COX15: variants seen among roughly 807,000 people sequenced by gnomAD.
COX15 encodes heme A synthase COX15.
COX15 carries 51 observed loss-of-function variants against 51.9 expected under a neutral mutation model. The ratio of observed to expected loss-of-function variants is 0.98; its 90% CI spans 0.78 to 1.24. COX15 has a LOEUF of 1.24. Ranked by LOEUF, COX15 falls within the 50% of genes most tolerant of loss-of-function variation. COX15 has a pLI of 0.00. For missense variants in COX15, 420 were observed against 501.1 expected, an observed-to-expected ratio of 0.84 and a Z score of 1.55; for synonymous variants, 188 against 190.5, an observed-to-expected ratio of 0.99 and a Z score of 0.11.
chr10:99,717,502 C>T (rs191178590), intron 7 of COX15, among the ~76,000 whole-genome samples: 9 of 152,122 alleles, frequency 5.9e-5, no homozygotes, highest in African/African-American at 1.7e-4. Context: ...TGAGCCATTG[C>T]GCCCAGTGCT....
At chr10:99,697,640 T>A in the COX15 span, 6 of 156,978 alleles carry the variant, frequency 3.8e-5, no homozygotes, top group Middle Eastern at 0.01. Context: ...TTCTGAGTTT[T>A]CCTTACAGTT....
At position 99,727,507 on chromosome 10, in the gene COX15, G is replaced by A. The variant is rs144644373; in HGVS notation, c.329C>T (p.Pro110Leu). 5.4e-5 allele frequency: 87 copies of A among 1,613,762 alleles called. No individual in the cohort carries two copies. In the African/African-American group the frequency reaches 9.7e-4, roughly 18 times the overall value. ...TTCCCATTCCTCTTGGCTTGTAGGT[G>A]GCTTCATCTCCTTTATTAAATGCCA... ...VDWHLIKEMK[P>L]PTSQEEWEAE... Residue 110 changes from proline (P) to leucine (L), a missense_variant, in exon 3 of 9, where the codon CCA (proline) becomes CTA (leucine). By Grantham distance (98) the Pro-to-Leu change is moderately conservative (BLOSUM62 -3). Transcript: ENST00000016171.
At chr10:99,698,878 C>T in the COX15 span, 2 of 1,570,708 alleles carry the variant, frequency 1.3e-6, no homozygotes, top group Non-Finnish European at 8.6e-7. Flanking sequence ...TAATGATAAA[C>T]ATGGCTTATG....
the COX15 span, chr10:99,704,484 A>G: frequency 6.2e-7 from 1 of 1,614,218 alleles, no homozygotes; most frequent in Non-Finnish European, 8.5e-7. Context: ...CGACAAGCCC[A>G]TGGTAGCTGG....
At chr10:99,729,797 AC>A in intron 1 of COX15, 63 bp from the exon 2 acceptor site, 1 of 1,539,780 alleles carries the variant, frequency 6.5e-7, no homozygotes, top group Non-Finnish European at 8.9e-7. Flanking sequence ...CCCACACTCA[AC>A]CCCATTCTGA....
chr10:99,698,824 G>A, the COX15 span: 21 of 1,607,068 alleles, frequency 1.3e-5, no homozygotes, highest in East Asian at 6.7e-5. Context: ...ATTGGTGGCC[G>A]CTACCATGGG....
the COX15 span, chr10:99,698,608 A>G: frequency 6.2e-7 from 1 of 1,614,076 alleles, no homozygotes; most frequent in Non-Finnish European, 8.5e-7. Context: ...GGACTCACAG[A>G]TGTGGTGGAG....
Position 99,713,092 on chromosome 10 carries a change from G to A in COX15, c.*1495C>T, listed in dbSNP as rs2036447837. ...TGGTACCCAGAGTGAAATGCAGTATGTTAGGGGTATTTTGACTATGGCTGT... is the reference window on the plus strand; with the variant it reads ...TGGTACCCAGAGTGAAATGCAGTATATTAGGGGTATTTTGACTATGGCTGT... On this transcript the variant is annotated 3_prime_UTR_variant, in exon 9 of 9. Coordinates refer to ENST00000016171, the MANE Select transcript of COX15 (RefSeq NM_078470.6). 1 of 1,226,726 alleles carries A rather than the reference G, an allele frequency of 8.2e-7. No homozygotes were observed. Among genetic ancestry groups the A allele is most frequent in the Non-Finnish European group, 1.0e-6 (1 of 971,880 alleles). 76.0% of individuals were successfully genotyped at this position (1,226,726 alleles called of 1,614,324 possible).
At chr10:99,697,859 G>A in the COX15 span, 1 of 153,000 alleles carries the variant, frequency 6.5e-6, no homozygotes, top group African/African-American at 2.4e-5. Flanking sequence ...TCTGTCCTTG[G>A]ACAGATCTTC....
Position 99,713,616 on chromosome 10 carries a change from AC to A in COX15, c.*970del. 8.2e-7 allele frequency: 1 copy of A among 1,226,326 alleles called. No individual in the cohort carries two copies. Among genetic ancestry groups the A allele is most frequent in the Non-Finnish European group, 1.1e-6 (1 of 873,650 alleles). 76.0% of individuals were successfully genotyped at this position (1,226,326 alleles called of 1,614,324 possible). A position where few individuals can be genotyped will look rare whatever the true frequency, so the allele number is the denominator to read the frequency against. ...AAGCTGTTAGGAAACCCTCTCAGGA[AC>A]CAATTTATACTGTCGATTCCATTCC... On this transcript the variant is annotated 3_prime_UTR_variant, in exon 9 of 9. Transcript: ENST00000016171.
chr10:99,721,487 T>A (rs900759488), intron 5 of COX15, among the ~76,000 whole-genome samples: 1 of 152,238 alleles, frequency 6.6e-6, no homozygotes, highest in Non-Finnish European at 1.5e-5. Context: ...GCAAATATAG[T>A]CAGAATCAAA....
chr10:99,714,771 T>C, intron 8 of COX15, 53 bp from the exon 9 acceptor site: 1 of 1,608,244 alleles, frequency 6.2e-7, no homozygotes, highest in Non-Finnish European at 8.5e-7. Flanking sequence ...AAGTTCACAT[T>C]GAAAATGGCC....
rs1266453548 is a variant in COX15 at position 99,727,427 on chromosome 10, T to G, written c.395+14A>C. On this transcript the variant is annotated intron_variant, in intron 3 of 8. Coordinates refer to ENST00000016171, the MANE Select transcript of COX15 (RefSeq NM_078470.6). ...GCCTACTGGGATGTTTACCTAATTTTCTCTAATACTTACATTTTAAATTCT... is the reference window on the plus strand; with the variant it reads ...GCCTACTGGGATGTTTACCTAATTTGCTCTAATACTTACATTTTAAATTCT... 3 of 1,612,518 alleles carry G rather than the reference T, an allele frequency of 1.9e-6. No individual in the cohort carries two copies. The highest frequency in any genetic ancestry group is 2.5e-6 in the Non-Finnish European group (3 of 1,180,000).
chr10:99,702,515 T>G, the COX15 span: 1 of 1,565,090 alleles, frequency 6.4e-7, no homozygotes, highest in Non-Finnish European at 8.6e-7. Flanking sequence ...CACACAGATA[T>G]CAGTGTTTTA....
At chr10:99,700,958 C>T in the COX15 span, 2 of 1,610,550 alleles carry the variant, frequency 1.2e-6, no homozygotes, top group Non-Finnish European at 8.5e-7. Flanking sequence ...CACTATTTCT[C>T]TGTGGTTGAT....
At chr10:99,726,493 C>G (rs1013177828) in intron 4 of COX15, among the ~76,000 whole-genome samples, 1 of 152,132 alleles carries the variant, frequency 6.6e-6, no homozygotes, top group African/African-American at 2.4e-5. Context: ...GTAATTTACC[C>G]TAAGTGTCAG....
rs2036407077 is a variant in COX15 at position 99,712,010 on chromosome 10, G to T, written c.*2577C>A. 1 of 279,800 alleles carries T rather than the reference G, an allele frequency of 3.6e-6. No individual in the cohort carries two copies. Among genetic ancestry groups the T allele is most frequent in the Non-Finnish European group, 5.4e-6 (1 of 184,798 alleles). 17.3% of individuals were successfully genotyped at this position (279,800 alleles called of 1,614,324 possible). On this transcript the variant is annotated 3_prime_UTR_variant, in exon 9 of 9. Coordinates refer to ENST00000016171, the MANE Select transcript of COX15 (RefSeq NM_078470.6). ...ATGGTGAGAGAGAGCAAGCGAGAGA[G>T]GAGGAAGTTCCAGGCTCTTTTAAAC...
At chr10:99,698,704 A>G in the COX15 span, 2 of 1,614,188 alleles carry the variant, frequency 1.2e-6, no homozygotes, top group East Asian at 2.2e-5. Flanking sequence ...GCTCGCTCCA[A>G]CACCAGCCAG....
chr10:99,708,546 T>C (rs1019375651), downstream of COX15, among the ~76,000 whole-genome samples: 1 of 152,154 alleles, frequency 6.6e-6, no homozygotes, highest in East Asian at 1.9e-4. Flanking sequence ...TAGACAAGAT[T>C]AGAAACTAAA....
Sources: allele counts gnomAD v4.1 joint callset (sites outside exome capture counted in the v4.1 genomes callset), GRCh38; gene constraint gnomAD v4.1.1; transcripts MANE v1.5; gene names NCBI Gene and HGNC (gene_info 2026-07-23, HGNC 2026-07-21).